The following ANKRD46 variants were observed in gnomAD, a reference collection of about 807,000 sequenced individuals.
ANKRD46 encodes the protein ankyrin repeat domain-containing protein 46.
In ANKRD46, 13 loss-of-function variants were observed where a neutral mutation model predicts 19.8. That is an observed-to-expected ratio of 0.66 (90% CI 0.43 to 1.04). The LOEUF is 1.04. ANKRD46 is among the 50% of genes least tolerant of loss of function. The pLI, the probability that ANKRD46 is intolerant of heterozygous loss-of-function variation, is 0.00. For missense variants in ANKRD46, 185 were observed against 274.8 expected (o/e 0.67, Z 2.31); for synonymous variants, 91 against 106.9 (o/e 0.85, Z 0.92).
At chr8:100,554,003 T>C (rs1437226729) in intron 1 of ANKRD46, among the ~76,000 whole-genome samples, 1 of 152,248 alleles carries the variant, frequency 6.6e-6, no homozygotes, top group Non-Finnish European at 1.5e-5. Context: ...TAATTGATTG[T>C]ATTCAGAATT....
At position 100,544,147 on chromosome 8, in the gene ANKRD46, C is replaced by T. The variant is rs1812226948; in HGVS notation, c.-130-10836G>A. Among the ~76,000 whole-genome samples, 1 of 152,170 alleles carries T rather than the reference C, an allele frequency of 6.6e-6. No individual in the cohort carries two copies. The highest frequency in any genetic ancestry group is 6.5e-5 in the Admixed American group (1 of 15,268). ...ATTTATTCTCTCAATCTCTCCCTCA[C>T]CCTCCTTTTGGCTACCCCAAGCAGC... On this transcript the variant is annotated intron_variant, in intron 1 of 4. Coordinates refer to ENST00000335659, the MANE Select transcript of ANKRD46 (RefSeq NM_001270377.2). This position sits in a 1 kb window ranked among gnomAD's most constrained non-coding sequence, Gnocchi z 4.4.
downstream of ANKRD46, among the ~76,000 whole-genome samples, chr8:100,517,851 C>T (rs1035258617): frequency 1.3e-5 from 2 of 152,214 alleles, no homozygotes; most frequent in African/African-American, 4.8e-5. Context: ...AAAGCTACTT[C>T]CTGGTGTTCA....
At chr8:100,541,194 C>T (rs988182150) in intron 1 of ANKRD46, among the ~76,000 whole-genome samples, 1 of 151,468 alleles carries the variant, frequency 6.6e-6, no homozygotes, top group East Asian at 1.9e-4. Flanking sequence ...TGATTCCAGG[C>T]CTATTCAGAA....
At chr8:100,528,090 C>T (rs1811879937) in intron 3 of ANKRD46, 87 bp from the exon 4 acceptor site, 1 of 1,344,332 alleles carries the variant, frequency 7.4e-7, no homozygotes, top group African/African-American at 1.5e-5. Flanking sequence ...ATTTTTAGTA[C>T]CCACTTATAT....
chr8:100,515,661 A>C (rs372864693), intron 5 of ANKRD46, among the ~76,000 whole-genome samples: 2 of 59,972 alleles, frequency 3.3e-5, no homozygotes, highest in African/African-American at 6.2e-5. Flanking sequence ...GGTGCGGGGG[A>C]GGGGGGGGGC....
At chr8:100,541,545 A>C (rs548164930) in intron 1 of ANKRD46, among the ~76,000 whole-genome samples, 1 of 152,308 alleles carries the variant, frequency 6.6e-6, no homozygotes, top group South Asian at 2.1e-4. Context: ...GATATAGCCT[A>C]CTACATGCCC....
intron 1 of ANKRD46, among the ~76,000 whole-genome samples, chr8:100,552,784 C>T (rs536558790): frequency 3.3e-4 from 51 of 152,272 alleles, no homozygotes; most frequent in African/African-American, 1.2e-3. Context: ...TGAGGCAGAA[C>T]AGATAAAAGG....
In ANKRD46 at chr8:100,520,931, A is replaced by C; in HGVS notation, c.*1624T>G. On this transcript the variant is annotated 3_prime_UTR_variant, in exon 5 of 5. Coordinates refer to ENST00000335659, the MANE Select transcript of ANKRD46 (RefSeq NM_001270377.2). ...TGCATATTTGTTTAGATTTACAAAC[A>C]AATGTAAAGCTAATTCCAAAGTTTT... is the stretch of plus-strand genomic sequence containing the variant. 1.0e-6 allele frequency: 1 copy of C among 984,924 alleles called. No homozygotes were observed. Among genetic ancestry groups the C allele is most frequent in the Non-Finnish European group, 1.2e-6 (1 of 829,520 alleles). The allele number at this position is 984,924 out of a possible 1,614,324, so 61.0% of individuals were successfully genotyped here.
At chr8:100,512,862 A>G (rs1279219019) in intron 5 of ANKRD46, among the ~76,000 whole-genome samples, 2 of 152,232 alleles carry the variant, frequency 1.3e-5, no homozygotes, top group Non-Finnish European at 2.9e-5. Context: ...TAAAACGTAT[A>G]CACTTCCCTG....
intron 4 of ANKRD46, among the ~76,000 whole-genome samples, chr8:100,526,514 G>C (rs1892740): frequency 0.58 from 88,892 of 152,076 alleles, 27,702 homozygotes; most frequent in African/African-American, 0.82. Context: ...CCAAAGTACA[G>C]AGGAGAGAAA....
chr8:100,556,590 T>C (rs373490504), intron 1 of ANKRD46: 2 of 152,214 alleles, frequency 1.3e-5, no homozygotes, highest in African/African-American at 4.8e-5. Context: ...GAGCTGTCCA[T>C]ACTGCAGTCT....
In ANKRD46 at chr8:100,528,006, A is replaced by T. The variant is rs374414134; in HGVS notation, c.312-3T>A. The T allele has an allele frequency of 0.031, 5,045 of 165,060 alleles. 139 individuals are homozygous for T. The highest frequency in any genetic ancestry group is 0.12 in the African/African-American group (4,215 of 35,038). 10.2% of individuals were successfully genotyped at this position (165,060 alleles called of 1,614,324 possible). A position where few individuals can be genotyped will look rare whatever the true frequency, so the allele number is the denominator to read the frequency against. On this transcript the variant is annotated splice_region_variant and splice_polypyrimidine_tract_variant and intron_variant, in intron 3 of 4. Coordinates refer to ENST00000335659, the MANE Select transcript of ANKRD46 (RefSeq NM_001270377.2). Reference sequence around the variant, plus strand: ...AAGGGGTAGCACCTTGATGATTGCTAAAAAAAAAAAAAAAAAAAAAAGTTT... The same window carrying T: ...AAGGGGTAGCACCTTGATGATTGCTTAAAAAAAAAAAAAAAAAAAAAGTTT...
rs902019039 is a variant in ANKRD46 at position 100,511,569 on chromosome 8, A to C, written c.637-930T>G. Among the ~76,000 whole-genome samples the C allele has an allele frequency of 6.6e-6, 1 of 152,022 alleles. No individual in the cohort carries two copies. Among genetic ancestry groups the C allele is most frequent in the African/African-American group, 2.4e-5 (1 of 41,280 alleles). ...CTACTTATTTTATCCAAATTAAATG[A>C]CAAAAAAAAATCATATACACATACC... On this transcript the variant is annotated intron_variant, in intron 5 of 5. Transcript: ENST00000520552. This position sits in a 1 kb window ranked among gnomAD's most constrained non-coding sequence, Gnocchi z 4.1.
chr8:100,555,453 A>T (rs1376552394), intron 1 of ANKRD46, among the ~76,000 whole-genome samples: 3 of 151,520 alleles, frequency 2.0e-5, no homozygotes, highest in African/African-American at 7.3e-5. Flanking sequence ...AGGGTGGGGG[A>T]AAAAACAGTA....
chr8:100,528,484 G>T (rs575898411), intron 3 of ANKRD46, among the ~76,000 whole-genome samples: 2 of 150,922 alleles, frequency 1.3e-5, no homozygotes, highest in South Asian at 4.2e-4. Context: ...CAAACATCCA[G>T]TGTAGCTGAA....
Position 100,528,005 on chromosome 8 carries a change from TAAAAAAAAAAA to T in ANKRD46, c.312-13_312-3del, listed in dbSNP as rs746946951. On this transcript the variant is annotated splice_region_variant and splice_polypyrimidine_tract_variant and intron_variant, in intron 3 of 4. Coordinates refer to ENST00000335659, the MANE Select transcript of ANKRD46 (RefSeq NM_001270377.2). ...AAAGGGGTAGCACCTTGATGATTGCTAAAAAAAAAAAAAAAAAAAAAAGTTTATAAAAATAA... is the reference window on the plus strand; with the variant it reads ...AAAGGGGTAGCACCTTGATGATTGCTAAAAAAAAAAAGTTTATAAAAATAA... The T allele has an allele frequency of 1.6e-5, 19 of 1,165,730 alleles. No homozygotes were observed. Among genetic ancestry groups the T allele is most frequent in the African/African-American group, 2.4e-5 (1 of 40,850 alleles). The allele number at this position is 1,165,730 out of a possible 1,614,324, so 72.2% of individuals were successfully genotyped here. A position where few individuals can be genotyped will look rare whatever the true frequency, so the allele number is the denominator to read the frequency against.
chr8:100,544,655 C>G lies in ANKRD46; in HGVS notation c.-130-11344G>C, dbSNP rs915660211. On this transcript the variant is annotated intron_variant, in intron 1 of 4. Transcript: ENST00000335659. The surrounding 1 kb of genome is among the most constrained non-coding windows in gnomAD (Gnocchi z 4.4). ...ACTCGGCCATTTTCTAAGGCACTATCTTGAGTAGTCCAACTCTAAGAGTCC... is the reference window on the plus strand; with the variant it reads ...ACTCGGCCATTTTCTAAGGCACTATGTTGAGTAGTCCAACTCTAAGAGTCC... Among the ~76,000 whole-genome samples the G allele has an allele frequency of 6.6e-6, 1 of 152,202 alleles. No individual in the cohort carries two copies.
Position 100,522,722 on chromosome 8 carries a change from C to T in ANKRD46, c.520G>A (p.Gly174Arg), listed in dbSNP as rs1272411312. The T allele has an allele frequency of 3.7e-6, 6 of 1,614,100 alleles. No homozygotes were observed. Among genetic ancestry groups the T allele is most frequent in the Admixed American group, 1.7e-5 (1 of 59,974 alleles). ...GTGGTTCGGAAGCTGGAGAGGACTC[C>T]TTCACCTTGCTGCAGGTTGGGATTG... ...LLNPNLQQGEGVLSSFRTTWQ... is the reference protein window; with the variant it reads ...LLNPNLQQGERVLSSFRTTWQ... Residue 174 changes from glycine to arginine, a missense_variant, in exon 5 of 5, where the codon GGA becomes AGA. Physicochemically the swap from Gly to Arg is moderately radical, Grantham distance 125. Coordinates refer to ENST00000335659, the MANE Select transcript of ANKRD46 (RefSeq NM_001270377.2).
At chr8:100,512,861 T>C (rs1441374516) in intron 5 of ANKRD46, among the ~76,000 whole-genome samples, 1 of 152,206 alleles carries the variant, frequency 6.6e-6, no homozygotes, top group South Asian at 2.1e-4. Flanking sequence ...TTAAAACGTA[T>C]ACACTTCCCT....
Sources: gnomAD v4.1 joint callset for allele counts (sites outside exome capture counted in the v4.1 genomes callset) on GRCh38, gnomAD v4.1.1 for gene constraint, Gnocchi (gnomAD v3.1) non-coding constraint, MANE v1.5 for transcripts, NCBI Gene and HGNC (gene_info 2026-07-23, HGNC 2026-07-21) for gene names.